UNC5C: variants seen among roughly 807,000 people sequenced by gnomAD.
The protein encoded by UNC5C is unc-5 netrin receptor C, also known as netrin receptor UNC5C.
A neutral mutation model predicts 99.8 loss-of-function variants in UNC5C; 47 were observed. The observed-to-expected ratio is 0.47, with a 90% CI of 0.37 to 0.60. UNC5C has a LOEUF of 0.60. UNC5C is among the 20% of genes least tolerant of loss of function. The pLI, the probability that UNC5C is intolerant of heterozygous loss-of-function variation, is 0.00. For synonymous variants in UNC5C, 487 were observed against 452.2 expected (o/e 1.08, Z -0.98); for missense variants, 1,062 against 1,165.9 (o/e 0.91, Z 1.30).
chr4:95,301,784 A>G (rs1560777012), intron 2 of UNC5C, 35 bp from the exon 3 acceptor site: 2 of 1,602,812 alleles, frequency 1.2e-6, no homozygotes, highest in African/African-American at 1.3e-5. Context: ...AAGTCAACAC[A>G]AGATTCATAC....
intron 14 of UNC5C, among the ~76,000 whole-genome samples, chr4:95,178,494 A>G (rs1736463835): frequency 6.6e-6 from 1 of 152,248 alleles, no homozygotes; most frequent in African/African-American, 2.4e-5. Context: ...CAATCAATCA[A>G]TCATCCTCAG....
chr4:95,217,207 G>A (rs1252849877), intron 9 of UNC5C, among the ~76,000 whole-genome samples: 1 of 152,148 alleles, frequency 6.6e-6, no homozygotes, highest in Admixed American at 6.5e-5. Context: ...TTTAATTAGC[G>A]AGGAAATGGA....
intron 12 of UNC5C, 48 bp downstream of exon 12, chr4:95,202,683 G>T: frequency 6.4e-7 from 1 of 1,574,530 alleles, no homozygotes; most frequent in Non-Finnish European, 8.7e-7. Flanking sequence ...GCAAAACCTT[G>T]GCTTCCAGGT....
intron 1 of UNC5C, among the ~76,000 whole-genome samples, chr4:95,398,732 T>A (rs148751853): frequency 3.0e-4 from 46 of 152,002 alleles, no homozygotes; most frequent in Non-Finnish European, 6.0e-4. Context: ...TTAGTCTTAA[T>A]GAGATAAGGT....
intron 3 of UNC5C, among the ~76,000 whole-genome samples, chr4:95,293,522 G>A (rs1741564526): frequency 6.6e-6 from 1 of 151,848 alleles, no homozygotes; most frequent in African/African-American, 2.4e-5. Flanking sequence ...GTCTTGCTAT[G>A]TTGCCCAGGC....
intron 1 of UNC5C, among the ~76,000 whole-genome samples, chr4:95,357,704 A>T (rs907790203): frequency 3.3e-5 from 5 of 152,044 alleles, no homozygotes; most frequent in African/African-American, 1.2e-4. Context: ...AGGTGAAGGG[A>T]TCACTTGAGC....
intron 1 of UNC5C, among the ~76,000 whole-genome samples, chr4:95,373,581 T>G (rs1221481259): frequency 6.6e-6 from 1 of 152,210 alleles, no homozygotes; most frequent in South Asian, 2.1e-4. Context: ...GTTTATCTGA[T>G]TCTTCCTCCC....
intron 1 of UNC5C, among the ~76,000 whole-genome samples, chr4:95,431,214 T>C (rs1165363948): frequency 2.0e-5 from 3 of 152,150 alleles, no homozygotes; most frequent in African/African-American, 7.2e-5. Context: ...CTGTGCAGTT[T>C]CCTAGCACCC....
intron 4 of UNC5C, among the ~76,000 whole-genome samples, chr4:95,259,241 A>C (rs988684508): frequency 4.6e-5 from 7 of 152,112 alleles, no homozygotes; most frequent in African/African-American, 1.4e-4. Context: ...TAATTTTAGA[A>C]CCCATTATAA....
At chr4:95,419,895 A>G (rs10516971) in intron 1 of UNC5C, among the ~76,000 whole-genome samples, 48,452 of 151,948 alleles carry the variant, frequency 0.32, 7,852 homozygotes, top group South Asian at 0.36. Flanking sequence ...GTAAGCTCGG[A>G]ATAGCTCAGA....
At chr4:95,222,351 T>A in intron 7 of UNC5C, 2 of 819,766 alleles carry the variant, frequency 2.4e-6, no homozygotes, top group Admixed American at 3.6e-5. Flanking sequence ...AAAAATGGTT[T>A]AATTAAAAGG....
intron 1 of UNC5C, among the ~76,000 whole-genome samples, chr4:95,491,447 C>A (rs1408445035): frequency 3.3e-5 from 5 of 151,462 alleles, no homozygotes; most frequent in Non-Finnish European, 7.4e-5. Flanking sequence ...AAAAACTGCC[C>A]ATCTATATAT....
intron 1 of UNC5C, among the ~76,000 whole-genome samples, chr4:95,423,840 G>A (rs979278116): frequency 5.3e-5 from 8 of 152,082 alleles, no homozygotes; most frequent in African/African-American, 1.9e-4. Context: ...GTAACACTGG[G>A]GTAAACGTTC....
At chr4:95,258,988 C>T (rs889462463) in intron 4 of UNC5C, among the ~76,000 whole-genome samples, 5 of 151,260 alleles carry the variant, frequency 3.3e-5, no homozygotes, top group Non-Finnish European at 7.4e-5. Context: ...GTCTCGATCT[C>T]CTGACCTCAT....
chr4:95,250,031 G>C (rs1370682713), intron 5 of UNC5C, among the ~76,000 whole-genome samples: 1 of 152,120 alleles, frequency 6.6e-6, no homozygotes, highest in Non-Finnish European at 1.5e-5. Flanking sequence ...AGATCTTGGT[G>C]GTGCAGGTTC....
intron 2 of UNC5C, among the ~76,000 whole-genome samples, chr4:95,312,748 C>A (rs1742318960): frequency 6.6e-6 from 1 of 152,048 alleles, no homozygotes; most frequent in Admixed American, 6.6e-5. Flanking sequence ...TTCAATACAC[C>A]CTCCTCTACA....
chr4:95,202,583 A>G (rs538794351), intron 12 of UNC5C, 148 bp downstream of exon 12: 70 of 725,268 alleles, frequency 9.7e-5, no homozygotes, highest in Non-Finnish European at 1.3e-4. Flanking sequence ...AGAAATGTCT[A>G]TCTTTTTTAA....
At chr4:95,197,068 T>A (rs6851738) in intron 12 of UNC5C, among the ~76,000 whole-genome samples, 22,284 of 32,376 alleles carry the variant, frequency 0.69, 8,529 homozygotes, top group Middle Eastern at 0.8. Context: ...ATATATATTT[T>A]TATATTATAT....
chr4:95,315,468 C>A (rs1442974801), intron 2 of UNC5C, among the ~76,000 whole-genome samples: 1 of 152,134 alleles, frequency 6.6e-6, no homozygotes, highest in East Asian at 1.9e-4. Context: ...CTATGAGCTC[C>A]AATTCCCTGA....
Sources: gnomAD v4.1 joint callset for allele counts (sites outside exome capture counted in the v4.1 genomes callset) on GRCh38, gnomAD v4.1.1 for gene constraint, MANE v1.5 for transcripts, NCBI Gene and HGNC (gene_info 2026-07-23, HGNC 2026-07-21) for gene names.